Variants in RNGTT observed in about 807,000 individuals in gnomAD.
The protein encoded by RNGTT is mRNA-capping enzyme.
A neutral mutation model predicts 79.3 loss-of-function variants in RNGTT; 33 were observed. The observed-to-expected ratio is 0.42, with a 90% CI of 0.32 to 0.56. The LOEUF (loss-of-function observed/expected upper bound fraction) is 0.56. RNGTT is among the 20% of genes least tolerant of loss of function. The pLI is 0.17. For synonymous variants in RNGTT, 222 were observed against 235.9 expected, an observed-to-expected ratio of 0.94 and a Z score of 0.54; for missense variants, 497 against 739.1, an observed-to-expected ratio of 0.67 and a Z score of 3.80.
At chr6:88,681,887 G>C (rs570359492) in intron 13 of RNGTT, among the ~76,000 whole-genome samples, 43 of 152,154 alleles carry the variant, frequency 2.8e-4, no homozygotes, top group Non-Finnish European at 5.3e-4. Context: ...GGATGTTTTG[G>C]AAAGTAGCAA....
At chr6:88,914,967 AACAG>A (rs768375789) in intron 4 of RNGTT, among the ~76,000 whole-genome samples, 2 of 152,238 alleles carry the variant, frequency 1.3e-5, no homozygotes, top group Non-Finnish European at 1.5e-5. Context: ...AAAGGACATG[AACAG>A]ACAGTTATCA....
intron 13 of RNGTT, among the ~76,000 whole-genome samples, chr6:88,731,321 T>G (rs1171256811): frequency 3.3e-5 from 5 of 152,194 alleles, no homozygotes; most frequent in Non-Finnish European, 1.5e-5. Flanking sequence ...CACTTCCTAT[T>G]ATCCAAAATA....
Position 88,963,600 on chromosome 6 carries a change from C to A in RNGTT, c.-191G>T, listed in dbSNP as rs905830837. The A allele has an allele frequency of 2.9e-5, 15 of 510,584 alleles. No homozygotes were observed. The highest frequency in any genetic ancestry group is 2.4e-4 in the African/African-American group (12 of 49,636). 31.6% of individuals were successfully genotyped at this position (510,584 alleles called of 1,614,324 possible). On this transcript the variant is annotated 5_prime_UTR_variant, in exon 1 of 16. Coordinates refer to ENST00000369485, the MANE Select transcript of RNGTT (RefSeq NM_003800.5). ...TTCATTCAGGATCAACTCCACAGCT[C>A]CAGGAGAACCCACAATGCACCGCAA...
At chr6:88,726,082 C>T (rs999810063) in intron 13 of RNGTT, among the ~76,000 whole-genome samples, 1 of 151,968 alleles carries the variant, frequency 6.6e-6, no homozygotes. Context: ...AGAGTGTATC[C>T]TATTCCTTTA....
intron 4 of RNGTT, among the ~76,000 whole-genome samples, chr6:88,910,555 C>T (rs896830617): frequency 6.6e-6 from 1 of 152,220 alleles, no homozygotes; most frequent in Admixed American, 6.5e-5. Context: ...GAGTAAGCAC[C>T]ATGAAAGACA....
At chr6:88,703,375 A>C (rs1776008940) in intron 13 of RNGTT, among the ~76,000 whole-genome samples, 1 of 152,248 alleles carries the variant, frequency 6.6e-6, no homozygotes, top group Non-Finnish European at 1.5e-5. Flanking sequence ...AGCCATAAAA[A>C]GGACAAAATC....
At chr6:88,681,503 T>C (rs1384543799) in intron 13 of RNGTT, among the ~76,000 whole-genome samples, 1 of 152,198 alleles carries the variant, frequency 6.6e-6, no homozygotes, top group Admixed American at 6.5e-5. Flanking sequence ...AGGCCTGCTA[T>C]GCATAAGATA....
At chr6:88,776,346 T>G (rs1327072218) in intron 12 of RNGTT, among the ~76,000 whole-genome samples, 2 of 147,302 alleles carry the variant, frequency 1.4e-5, no homozygotes, top group African/African-American at 2.5e-5. Context: ...TGAGACGGAG[T>G]TTCCCTCTCG....
chr6:88,704,152 C>T (rs908315193), intron 13 of RNGTT, among the ~76,000 whole-genome samples: 1 of 146,496 alleles, frequency 6.8e-6, no homozygotes, highest in African/African-American at 2.5e-5. Flanking sequence ...CCCAGCTACT[C>T]GGGAGGCTGA....
intron 10 of RNGTT, among the ~76,000 whole-genome samples, chr6:88,848,551 ATAT>A (rs1409581908): frequency 2.6e-5 from 4 of 152,124 alleles, no homozygotes; most frequent in African/African-American, 9.6e-5. Context: ...AAATCTAGAC[ATAT>A]TAGTACAAAT....
chr6:88,680,645 G>A (rs1775058607), intron 13 of RNGTT, among the ~76,000 whole-genome samples: 1 of 151,782 alleles, frequency 6.6e-6, no homozygotes, highest in South Asian at 2.1e-4. Context: ...AGGAGGCTTA[G>A]GCAGAAGAAT....
chr6:88,666,154 G>T (rs1333628523), intron 14 of RNGTT, among the ~76,000 whole-genome samples: 1 of 152,152 alleles, frequency 6.6e-6, no homozygotes, highest in Non-Finnish European at 1.5e-5. Context: ...TTGAATGGGG[G>T]TCCCAACAGC....
At chr6:88,725,325 G>A (rs1776854598) in intron 13 of RNGTT, among the ~76,000 whole-genome samples, 1 of 152,108 alleles carries the variant, frequency 6.6e-6, no homozygotes, top group Non-Finnish European at 1.5e-5. Context: ...ATACTGCCAT[G>A]ATGATTCTGT....
At chr6:88,951,192 C>T (rs1205979002) in intron 1 of RNGTT, among the ~76,000 whole-genome samples, 2 of 152,122 alleles carry the variant, frequency 1.3e-5, no homozygotes, top group Admixed American at 6.6e-5. Flanking sequence ...AGCCTGAAGA[C>T]GTGACCAAAT....
chr6:88,829,404 T>C (rs1280388039), intron 11 of RNGTT, among the ~76,000 whole-genome samples: 1 of 151,932 alleles, frequency 6.6e-6, no homozygotes, highest in Non-Finnish European at 1.5e-5. Flanking sequence ...AAAACCAGTA[T>C]CAACCACTGC....
intron 9 of RNGTT, among the ~76,000 whole-genome samples, chr6:88,852,384 A>G (rs1343445112): frequency 6.6e-6 from 1 of 151,968 alleles, no homozygotes; most frequent in Admixed American, 6.6e-5. Flanking sequence ...TTATAATGCT[A>G]AAAAAAGTAC....
chr6:88,928,975 C>A lies in RNGTT; in HGVS notation c.367+10G>T. 1 of 1,586,798 alleles carries A rather than the reference C, an allele frequency of 6.3e-7. No homozygotes were observed. Among genetic ancestry groups the A allele is most frequent in the South Asian group, 1.2e-5 (1 of 86,290 alleles). On this transcript the variant is annotated intron_variant, in intron 4 of 15. Coordinates refer to ENST00000369485, the MANE Select transcript of RNGTT (RefSeq NM_003800.5). ...AATATTCAACAGTGGCAAAGTAAAG[C>A]CAAACATACCTATAAGTTCAGGTGG...
intron 12 of RNGTT, among the ~76,000 whole-genome samples, chr6:88,774,777 G>T (rs1304223033): frequency 6.6e-6 from 1 of 152,034 alleles, no homozygotes; most frequent in Non-Finnish European, 1.5e-5. Flanking sequence ...AAATCATGGT[G>T]ACCGAAAGTA....
At chr6:88,926,010 C>T (rs1377507432) in intron 4 of RNGTT, among the ~76,000 whole-genome samples, 1 of 152,148 alleles carries the variant, frequency 6.6e-6, no homozygotes, top group Admixed American at 6.5e-5. Context: ...AGTCCAGGAG[C>T]ACTCCTAAAA....
Sources: gnomAD v4.1 joint callset for allele counts (sites outside exome capture counted in the v4.1 genomes callset) on GRCh38, gnomAD v4.1.1 for gene constraint, MANE v1.5 for transcripts, NCBI Gene and HGNC (gene_info 2026-07-23, HGNC 2026-07-21) for gene names.